GRIK4: variants seen among roughly 807,000 people sequenced by gnomAD.
GRIK4 encodes the protein glutamate ionotropic receptor kainate type subunit 4.
A neutral mutation model predicts 104.9 loss-of-function variants in GRIK4; 40 were observed. That is an observed-to-expected ratio of 0.38 (90% CI 0.30 to 0.50). The LOEUF is 0.50. Ranked by LOEUF, GRIK4 falls within the 20% of genes least tolerant of loss-of-function variation. GRIK4 has a pLI of 0.93. For synonymous variants in GRIK4, 485 were observed against 524.9 expected (o/e 0.92, Z 1.04); for missense variants, 1,047 against 1,308.1 (o/e 0.80, Z 3.08).
chr11:120,824,797 G>T (rs1953215825), intron 6 of GRIK4, among the ~76,000 whole-genome samples: 1 of 151,664 alleles, frequency 6.6e-6, no homozygotes, highest in South Asian at 2.1e-4. Context: ...TGATCTGCCT[G>T]CCTCGGCCTC....
intron 6 of GRIK4, among the ~76,000 whole-genome samples, chr11:120,826,570 A>C (rs192210716): frequency 1.4e-4 from 21 of 152,330 alleles, no homozygotes; most frequent in South Asian, 1.0e-3. Context: ...GCTGAGGCCC[A>C]AGCTGGAAAC....
At position 120,956,203 on chromosome 11, in the gene GRIK4, C is replaced by CT. The variant is rs11329842; in HGVS notation, c.1701-562dup. ...CCTAGCCTCAGGGGCTCCACTTAAT[C>CT]TTTTTTTTTTTTTTTGAGACAGGGT... is the stretch of plus-strand genomic sequence containing the variant. On this transcript the variant is annotated intron_variant, in intron 15 of 20. Coordinates refer to ENST00000527524, the MANE Select transcript of GRIK4 (RefSeq NM_014619.5). This position sits in a 1 kb window ranked among gnomAD's most constrained non-coding sequence, Gnocchi z 4.6. 8.1e-3 allele frequency among the ~76,000 whole-genome samples: 1,164 copies of CT among 143,008 alleles called. 18 individuals are homozygous for CT. The highest frequency in any genetic ancestry group is 0.022 in the African/African-American group (851 of 39,012). The allele number at this position is 143,008 out of a possible 152,430, so 93.8% of individuals were successfully genotyped here.
At chr11:120,608,841 A>T (rs1350948998) in intron 1 of GRIK4, among the ~76,000 whole-genome samples, 1 of 152,074 alleles carries the variant, frequency 6.6e-6, no homozygotes, top group Non-Finnish European at 1.5e-5. Flanking sequence ...TTCAAGGTGG[A>T]TAGGCCTGGC....
intron 3 of GRIK4, among the ~76,000 whole-genome samples, chr11:120,733,431 A>C (rs1209927906): frequency 6.6e-6 from 1 of 151,178 alleles, no homozygotes; most frequent in African/African-American, 2.4e-5. Context: ...CTTTTAGTGA[A>C]GGTGCTTTTC....
At chr11:120,802,067 A>G (rs1332352907) in intron 3 of GRIK4, among the ~76,000 whole-genome samples, 1 of 152,216 alleles carries the variant, frequency 6.6e-6, no homozygotes, top group Admixed American at 6.5e-5. Context: ...TCCACACATT[A>G]TCTTAGTGAA....
intron 8 of GRIK4, among the ~76,000 whole-genome samples, chr11:120,847,506 C>T (rs1183642001): frequency 6.6e-6 from 1 of 152,166 alleles, no homozygotes; most frequent in Non-Finnish European, 1.5e-5. Flanking sequence ...TCCAAAGGGC[C>T]TTGGAGAATC....
intron 3 of GRIK4, among the ~76,000 whole-genome samples, chr11:120,731,843 T>C (rs1951137167): frequency 6.6e-6 from 1 of 152,240 alleles, no homozygotes; most frequent in African/African-American, 2.4e-5. Flanking sequence ...TATTGGTATA[T>C]AGTTGCTTAT....
At chr11:120,774,027 A>G (rs1482700112) in intron 3 of GRIK4, among the ~76,000 whole-genome samples, 2 of 152,198 alleles carry the variant, frequency 1.3e-5, no homozygotes, top group African/African-American at 4.8e-5. Context: ...GAGGAAAGCA[A>G]CCCCTGCAAA....
At chr11:120,628,957 G>A (rs12292341) in intron 1 of GRIK4, among the ~76,000 whole-genome samples, 9,484 of 152,214 alleles carry the variant, frequency 0.062, 445 homozygotes, top group South Asian at 0.14. Context: ...TGGAGAATGC[G>A]TCTGCTGCCC....
In GRIK4 at chr11:120,598,834, T is replaced by C. The variant is rs114178047; in HGVS notation, c.-158-54851T>C. Among the ~76,000 whole-genome samples, 830 of 152,374 alleles carry C rather than the reference T, an allele frequency of 5.4e-3. 7 individuals carry two copies. Among genetic ancestry groups the C allele is most frequent in the African/African-American group, 0.019 (784 of 41,586 alleles). ...TATCTTGCAGAAGAGGGAAGCCTGATGCCTAAGTACTTTTTACATCCTCTG... is the reference window on the plus strand; with the variant it reads ...TATCTTGCAGAAGAGGGAAGCCTGACGCCTAAGTACTTTTTACATCCTCTG... On this transcript the variant is annotated intron_variant, in intron 1 of 20. Coordinates refer to ENST00000527524, the MANE Select transcript of GRIK4 (RefSeq NM_014619.5).
chr11:120,916,612 C>T lies in GRIK4; in HGVS notation c.1476+11119C>T, dbSNP rs553777539. On this transcript the variant is annotated intron_variant, in intron 13 of 20. Transcript: ENST00000527524. ...CCAATGTCTGAAACTTGTTGAGCTT[C>T]GATGTGATACCGCAAGTGGAAAATT... Among the ~76,000 whole-genome samples the T allele has an allele frequency of 5.3e-5, 8 of 152,232 alleles. No homozygotes were observed. In the South Asian group the frequency reaches 6.2e-4, roughly 12 times the overall value.
At chr11:120,968,450 T>G (rs559477950) in intron 19 of GRIK4, among the ~76,000 whole-genome samples, 1 of 152,046 alleles carries the variant, frequency 6.6e-6, no homozygotes, top group East Asian at 1.9e-4. Context: ...AGCTGAGGAG[T>G]AGGATGAAGG....
intron 1 of GRIK4, among the ~76,000 whole-genome samples, chr11:120,526,658 C>A (rs1947861047): frequency 6.6e-6 from 1 of 152,144 alleles, no homozygotes; most frequent in Admixed American, 6.5e-5. Flanking sequence ...CATGGTGAAA[C>A]CCCATCTCCC....
At chr11:120,620,412 C>G in intron 1 of GRIK4, 1 of 514,880 alleles carries the variant, frequency 1.9e-6, no homozygotes, top group Non-Finnish European at 3.5e-6. Flanking sequence ...TACCATAACC[C>G]AGTCCCCATG....
intron 3 of GRIK4, among the ~76,000 whole-genome samples, chr11:120,711,004 G>GGGGA (rs1015733282): frequency 6.7e-6 from 1 of 149,824 alleles, no homozygotes; most frequent in African/African-American, 2.5e-5. Context: ...AGGTGGGGAG[G>GGGGA]GGGTGTGAGC....
intron 3 of GRIK4, among the ~76,000 whole-genome samples, chr11:120,793,309 G>C (rs1952436793): frequency 6.6e-6 from 1 of 152,058 alleles, no homozygotes; most frequent in Admixed American, 6.6e-5. Context: ...AGAGAAGGGA[G>C]AGCCAGAGGG....
chr11:120,595,836 T>G, intron 1 of GRIK4, among the ~76,000 whole-genome samples: 1 of 152,110 alleles, frequency 6.6e-6, no homozygotes, highest in South Asian at 2.1e-4. Flanking sequence ...GGCCCCTGAT[T>G]GCTTTTGTAT....
rs1333211101 is a variant in GRIK4 at position 120,513,958 on chromosome 11, G to T, written c.-159+2071G>T. Among the ~76,000 whole-genome samples the T allele has an allele frequency of 6.6e-6, 1 of 152,186 alleles. No homozygotes were observed. The highest frequency in any genetic ancestry group is 2.1e-4 in the South Asian group (1 of 4,818). On this transcript the variant is annotated intron_variant, in intron 1 of 20. Transcript: ENST00000527524. This position sits in a 1 kb window ranked among gnomAD's most constrained non-coding sequence, Gnocchi z 4.5. ...TTGGTTTTCCCTTAGGATGGAGAGG[G>T]AACTTTAGTACCGGGAGAGAGGCAG...
intron 1 of GRIK4, among the ~76,000 whole-genome samples, chr11:120,628,791 C>G (rs12292151): frequency 1.3e-5 from 2 of 152,160 alleles, no homozygotes; most frequent in South Asian, 4.1e-4. Context: ...ACCTCATGCT[C>G]AGTTCTCTGT....
Sources: allele counts gnomAD v4.1 joint callset (sites outside exome capture counted in the v4.1 genomes callset), GRCh38; gene constraint gnomAD v4.1.1; non-coding constraint Gnocchi (gnomAD v3.1); transcripts MANE v1.5; gene names NCBI Gene and HGNC (gene_info 2026-07-23, HGNC 2026-07-21).